LYRM7: variants seen among roughly 807,000 people sequenced by gnomAD.
LYRM7 encodes LYR motif containing 7, also known as complex III assembly factor LYRM7.
In LYRM7, 9 loss-of-function variants were observed where a neutral mutation model predicts 15.8. That is an observed-to-expected ratio of 0.57 (90% CI 0.34 to 0.99). The LOEUF (loss-of-function observed/expected upper bound fraction) is 0.99. LYRM7 is among the 50% of genes least tolerant of loss of function. The probability of loss-of-function intolerance (pLI) is 0.02; values close to 1 mark genes in which losing one functional copy is unlikely to be tolerated. For missense variants in LYRM7, 115 were observed against 119.1 expected (o/e 0.97, Z 0.16); for synonymous variants, 39 against 39.4 (o/e 0.99, Z 0.04).
chr5:131,184,648 G>GGGC (rs1554090168), intron 3 of LYRM7, among the ~76,000 whole-genome samples: 19 of 150,122 alleles, frequency 1.3e-4, no homozygotes, highest in African/African-American at 4.3e-4. Context: ...GGCGGGGGGG[G>GGGC]GGTTCCAGGA....
At chr5:131,186,497 C>T (rs1561546005) in intron 3 of LYRM7, among the ~76,000 whole-genome samples, 1 of 152,124 alleles carries the variant, frequency 6.6e-6, no homozygotes, top group African/African-American at 2.4e-5. Context: ...TTTTAAGATC[C>T]TCAGTGGATG....
At chr5:131,183,226 G>A (rs1361063889) in intron 3 of LYRM7, among the ~76,000 whole-genome samples, 2 of 152,090 alleles carry the variant, frequency 1.3e-5, no homozygotes, top group Admixed American at 1.3e-4. Flanking sequence ...AAATGAGATA[G>A]CCTAAGTATT....
At chr5:131,189,162 G>T (rs919140692) in intron 4 of LYRM7, among the ~76,000 whole-genome samples, 2 of 150,068 alleles carry the variant, frequency 1.3e-5, no homozygotes, top group African/African-American at 4.9e-5. Context: ...AAAAACAAAG[G>T]CCAGGCGTGG....
chr5:131,174,833 G>A (rs1225157288), intron 1 of LYRM7, among the ~76,000 whole-genome samples: 25 of 152,068 alleles, frequency 1.6e-4, no homozygotes, highest in Admixed American at 1.6e-3. Context: ...GACAGAACAA[G>A]GCCCTGTCTC....
At chr5:131,189,093 C>T (rs1039645218) in intron 4 of LYRM7, among the ~76,000 whole-genome samples, 2 of 151,324 alleles carry the variant, frequency 1.3e-5, no homozygotes, top group Middle Eastern at 3.4e-3. Flanking sequence ...CTGCAGTGAG[C>T]CAAGATCATG....
At chr5:131,176,302 T>A (rs10077597) in intron 1 of LYRM7, among the ~76,000 whole-genome samples, 2 of 152,094 alleles carry the variant, frequency 1.3e-5, no homozygotes, top group African/African-American at 4.8e-5. Flanking sequence ...TTTTAGCAAC[T>A]GCCAAACTGT....
chr5:131,175,744 A>ATTTTGTTTTGTTTT (rs568433533), intron 1 of LYRM7, among the ~76,000 whole-genome samples: 23 of 136,700 alleles, frequency 1.7e-4, no homozygotes, highest in African/African-American at 7.0e-4. Context: ...CATGTTGCCC[A>ATTTTGTTTTGTTTT]GGCTGGTTTT....
At chr5:131,177,404 T>C (rs887841109) in intron 1 of LYRM7, among the ~76,000 whole-genome samples, 33 of 152,242 alleles carry the variant, frequency 2.2e-4, no homozygotes, top group African/African-American at 8.0e-4. Context: ...GATATTCTTC[T>C]GTAGCTTTCC....
At chr5:131,187,960 A>G (rs1041189355) in intron 4 of LYRM7, among the ~76,000 whole-genome samples, 1 of 152,126 alleles carries the variant, frequency 6.6e-6, no homozygotes, top group Non-Finnish European at 1.5e-5. Context: ...CAAAAAGATG[A>G]CATTCAAAAT....
intron 3 of LYRM7, among the ~76,000 whole-genome samples, chr5:131,182,617 T>G (rs1435027690): frequency 6.6e-6 from 1 of 152,210 alleles, no homozygotes; most frequent in East Asian, 1.9e-4. Flanking sequence ...GAATGAGTGT[T>G]GTAGTAACTC....
chr5:131,179,995 C>A, intron 1 of LYRM7, 100 bp from the exon 2 acceptor site: 1 of 792,802 alleles, frequency 1.3e-6, no homozygotes, highest in Non-Finnish European at 2.1e-6. Context: ...GGGTCTCGAA[C>A]TCCTGGGCTA....
chr5:131,191,093 T>G (rs1423562042), intron 4 of LYRM7, among the ~76,000 whole-genome samples: 1 of 151,988 alleles, frequency 6.6e-6, no homozygotes, highest in Non-Finnish European at 1.5e-5. Flanking sequence ...CAGAATTAAA[T>G]ATTTTGACTC....
chr5:131,171,850 G>A (rs1755527782), intron 1 of LYRM7: 1 of 152,186 alleles, frequency 6.6e-6, no homozygotes, highest in Non-Finnish European at 1.5e-5. Flanking sequence ...TGTACATAAT[G>A]TCACAGCACC....
At chr5:131,188,950 G>A (rs553702401) in intron 4 of LYRM7, among the ~76,000 whole-genome samples, 44 of 147,454 alleles carry the variant, frequency 3.0e-4, no homozygotes, top group African/African-American at 1.0e-3. Context: ...AGTTCAAGAC[G>A]AGCCTGGGCA....
rs1233392371 is a variant in LYRM7, at chr5:131,190,564, C to G, written c.244+3455C>G. 4.0e-5 allele frequency among the ~76,000 whole-genome samples: 6 copies of G among 151,568 alleles called. No individual in the cohort carries two copies. The Middle Eastern group carries it at 0.014, about 344-fold the overall frequency. Reference sequence around the variant, plus strand: ...GGTGTACAGTGGCATGATTTCCGCTCACTGCAACCTCCACCTCCCAGGTTC... The same window carrying G: ...GGTGTACAGTGGCATGATTTCCGCTGACTGCAACCTCCACCTCCCAGGTTC... On this transcript the variant is annotated intron_variant, in intron 4 of 4. Transcript: ENST00000379380.
intron 4 of LYRM7, among the ~76,000 whole-genome samples, chr5:131,190,879 T>C (rs1580698721): frequency 6.6e-6 from 1 of 152,134 alleles, no homozygotes; most frequent in African/African-American, 2.4e-5. Context: ...ATAATGATCT[T>C]TAGAGTTTCT....
intron 2 of LYRM7, among the ~76,000 whole-genome samples, chr5:131,181,275 GAAAAAAAAA>G (rs1195878324): frequency 0.014 from 119 of 8,324 alleles, 7 homozygotes; most frequent in African/African-American, 0.03. Flanking sequence ...GACTCCATCT[GAAAAAAAAA>G]AAAAAAAAAA....
chr5:131,199,950 T>G lies in LYRM7; in HGVS notation c.*349T>G, dbSNP rs1756032328. On this transcript the variant is annotated 3_prime_UTR_variant, in exon 5 of 5. Transcript: ENST00000379380. ...TGTGGTGCTTTTACAAATTGGTGAG[T>G]TTTCCTGCCATGTGAAATGCAATTA... The G allele has an allele frequency of 6.3e-6, 1 of 159,802 alleles. No homozygotes were observed. Among genetic ancestry groups the G allele is most frequent in the South Asian group, 2.0e-4 (1 of 4,952 alleles). The allele number at this position is 159,802 out of a possible 1,614,324, so 9.9% of individuals were successfully genotyped here.
At position 131,202,524 on chromosome 5, in the gene LYRM7, G is replaced by A. The variant is rs1399081683; in HGVS notation, c.*2923G>A. The A allele has an allele frequency of 6.6e-6, 1 of 152,406 alleles. No individual in the cohort carries two copies. The highest frequency in any genetic ancestry group is 6.6e-5 in the Admixed American group (1 of 15,226). 9.4% of individuals were successfully genotyped at this position (152,406 alleles called of 1,614,324 possible). On this transcript the variant is annotated 3_prime_UTR_variant, in exon 5 of 5. Coordinates refer to ENST00000379380, the MANE Select transcript of LYRM7 (RefSeq NM_181705.4). ...AAAAAAGAAAACTTTTTTACACATGGGTATCTCACCATGTTGCCCAGGCTG... is the reference window on the plus strand; with the variant it reads ...AAAAAAGAAAACTTTTTTACACATGAGTATCTCACCATGTTGCCCAGGCTG...
Sources: allele counts gnomAD v4.1 joint callset (sites outside exome capture counted in the v4.1 genomes callset), GRCh38; gene constraint gnomAD v4.1.1; transcripts MANE v1.5; gene names NCBI Gene and HGNC (gene_info 2026-07-23, HGNC 2026-07-21).